The following WWP1 variants were observed in gnomAD, a reference collection of about 807,000 sequenced individuals.
WWP1 encodes WW domain containing E3 ubiquitin protein ligase 1.
Under a neutral mutation model 130.6 loss-of-function variants are expected in WWP1, and 49 were observed. The ratio of observed to expected loss-of-function variants is 0.38; its 90% confidence interval spans 0.30 to 0.48. The LOEUF (loss-of-function observed/expected upper bound fraction) is 0.48. Ranked by LOEUF, WWP1 falls within the 20% of genes least tolerant of loss-of-function variation. The probability of loss-of-function intolerance (pLI) is 0.99; values close to 1 mark genes in which losing one functional copy is unlikely to be tolerated. For missense variants in WWP1, 809 were observed against 1,100.6 expected (o/e 0.74, Z 3.75); for synonymous variants, 332 against 367.8 (o/e 0.90, Z 1.11).
At chr8:86,448,122 A>G (rs569849258) in intron 18 of WWP1, 26 bp from the exon 19 acceptor site, 8 of 1,533,054 alleles carry the variant, frequency 5.2e-6, no homozygotes, top group Admixed American at 5.1e-5. Flanking sequence ...CAAATTTTAA[A>G]TAAAATTTTT....
intron 5 of WWP1, among the ~76,000 whole-genome samples, chr8:86,394,216 A>G (rs373988990): frequency 1.3e-4 from 20 of 152,354 alleles, no homozygotes; most frequent in African/African-American, 4.8e-4. Context: ...GTTTTCAACA[A>G]ATCCATGATT....
At chr8:86,387,024 C>T (rs1266567992) in intron 5 of WWP1, 1 of 152,178 alleles carries the variant, frequency 6.6e-6, no homozygotes, top group African/African-American at 2.4e-5. Context: ...GCCCTAATTC[C>T]ATCCGTGAGG....
At chr8:86,448,088 G>T in intron 18 of WWP1, 60 bp from the exon 19 acceptor site, 1 of 1,407,032 alleles carries the variant, frequency 7.1e-7, no homozygotes, top group Admixed American at 2.8e-5. Context: ...TTTTATCATT[G>T]TTCTCTAAGA....
chr8:86,433,055 T>G (rs1020645323), intron 14 of WWP1, among the ~76,000 whole-genome samples: 2 of 152,192 alleles, frequency 1.3e-5, no homozygotes, highest in African/African-American at 4.8e-5. Context: ...TTCACATTGT[T>G]AATCCAGGCG....
intron 3 of WWP1, among the ~76,000 whole-genome samples, chr8:86,375,890 A>G (rs1238652430): frequency 6.6e-6 from 1 of 152,216 alleles, no homozygotes; most frequent in Non-Finnish European, 1.5e-5. Context: ...CCAGCTATAC[A>G]TGACAGTGCC....
At chr8:86,367,628 C>T (rs986613816) in intron 1 of WWP1, among the ~76,000 whole-genome samples, 5 of 152,184 alleles carry the variant, frequency 3.3e-5, no homozygotes, top group African/African-American at 9.6e-5. Context: ...ACATAATCAG[C>T]TTAGATATTA....
chr8:86,442,729 A>G lies in WWP1; in HGVS notation c.1949A>G (p.Asn650Ser), dbSNP rs1810654221. ...CAGATAAATCCAGCATCAACCATTA[A>G]TCCAGACCATCTTTCATACTTCTGT... The part of the protein sequence containing the change: ...CLQINPASTI[N>S]PDHLSYFCFI... The change falls in exon 18 of 25, where the codon AAT (asparagine) becomes AGT (serine). Residue 650 changes from asparagine (N) to serine (S), a missense_variant. Asn to Ser is a conservative substitution (Grantham distance 46). Coordinates refer to ENST00000517970, the MANE Select transcript of WWP1 (RefSeq NM_007013.4). 1 of 1,612,296 alleles carries G rather than the reference A, an allele frequency of 6.2e-7. No individual in the cohort carries two copies. Among genetic ancestry groups the G allele is most frequent in the African/African-American group, 1.3e-5 (1 of 74,866 alleles).
At chr8:86,450,400 A>T (rs1012982653) in intron 20 of WWP1, among the ~76,000 whole-genome samples, 4 of 152,212 alleles carry the variant, frequency 2.6e-5, no homozygotes, top group African/African-American at 9.6e-5. Context: ...AAATATATTC[A>T]TCAAAAGATC....
chr8:86,429,141 C>A (rs915552269), intron 11 of WWP1, among the ~76,000 whole-genome samples: 1 of 152,152 alleles, frequency 6.6e-6, no homozygotes, highest in South Asian at 2.1e-4. Flanking sequence ...CTATGGGCCT[C>A]ACATCCATAG....
intron 23 of WWP1, 64 bp downstream of exon 23, chr8:86,461,384 T>C (rs1393612077): frequency 7.5e-7 from 1 of 1,341,822 alleles, no homozygotes; most frequent in Non-Finnish European, 1.1e-6. Context: ...CCTTTGGACA[T>C]ACAATAGACT....
intron 20 of WWP1, among the ~76,000 whole-genome samples, chr8:86,449,362 C>T (rs984845001): frequency 6.6e-6 from 1 of 152,196 alleles, no homozygotes; most frequent in African/African-American, 2.4e-5. Flanking sequence ...CTTACAGGCA[C>T]ATTTCTTATT....
intron 9 of WWP1, among the ~76,000 whole-genome samples, chr8:86,419,269 T>C (rs1001057729): frequency 2.6e-5 from 4 of 151,994 alleles, no homozygotes; most frequent in African/African-American, 9.7e-5. Context: ...AATACAAAAA[T>C]TAGCCAGGCA....
chr8:86,452,497 G>A, intron 20 of WWP1, 62 bp from the exon 21 acceptor site: 1 of 1,430,248 alleles, frequency 7.0e-7, no homozygotes, highest in Non-Finnish European at 9.5e-7. Flanking sequence ...AGTTCTTGGT[G>A]TTTTTAAGTA....
chr8:86,377,707 T>C (rs1284911130), intron 3 of WWP1, among the ~76,000 whole-genome samples: 2 of 152,132 alleles, frequency 1.3e-5, no homozygotes, highest in Non-Finnish European at 2.9e-5. Context: ...CATATAGAAG[T>C]GTATTATCTT....
At chr8:86,349,567 C>T (rs185618890) in intron 1 of WWP1, among the ~76,000 whole-genome samples, 121 of 152,254 alleles carry the variant, frequency 7.9e-4, no homozygotes, top group African/African-American at 2.8e-3. Flanking sequence ...TACTACTTTC[C>T]GCAAATCTGG....
chr8:86,402,263 C>T, intron 8 of WWP1, 60 bp downstream of exon 8: 1 of 1,547,572 alleles, frequency 6.5e-7, no homozygotes, highest in Non-Finnish European at 8.8e-7. Context: ...TTTATGTATC[C>T]ATCCATGCCT....
intron 1 of WWP1, among the ~76,000 whole-genome samples, chr8:86,359,081 C>T (rs1823418128): frequency 1.3e-5 from 2 of 152,124 alleles, no homozygotes; most frequent in Middle Eastern, 3.2e-3. Flanking sequence ...CCAACACAGT[C>T]CCCAGGTGAT....
intron 8 of WWP1, among the ~76,000 whole-genome samples, chr8:86,407,522 C>T (rs1160429898): frequency 6.6e-6 from 1 of 152,114 alleles, no homozygotes; most frequent in East Asian, 1.9e-4. Flanking sequence ...GTTGTGATGA[C>T]CAAATGCATT....
intron 5 of WWP1, among the ~76,000 whole-genome samples, chr8:86,391,013 T>G (rs1807304123): frequency 6.6e-6 from 1 of 152,056 alleles, no homozygotes; most frequent in Admixed American, 6.6e-5. Context: ...ATTTTTGAAG[T>G]TTTTTTTAAT....
Sources: allele counts gnomAD v4.1 joint callset (sites outside exome capture counted in the v4.1 genomes callset), GRCh38; gene constraint gnomAD v4.1.1; transcripts MANE v1.5; gene names NCBI Gene and HGNC (gene_info 2026-07-23, HGNC 2026-07-21).